The following MYO16 variants were observed in gnomAD, a reference collection of about 807,000 sequenced individuals.
MYO16 encodes the protein myosin XVI, also known as unconventional myosin-XVI.
Under a neutral mutation model 205.3 loss-of-function variants are expected in MYO16, and 94 were observed. The observed-to-expected ratio is 0.46, with a 90% CI of 0.39 to 0.54. The LOEUF (loss-of-function observed/expected upper bound fraction) is 0.54. MYO16 is among the 20% of genes least tolerant of loss of function. The pLI is 0.00. For missense variants in MYO16, 2,315 were observed against 2,387.5 expected (o/e 0.97, Z 0.63); for synonymous variants, 988 against 954.0 (o/e 1.04, Z -0.66).
chr13:108,888,800 A>G (rs546405842), intron 14 of MYO16, among the ~76,000 whole-genome samples: 4 of 152,250 alleles, frequency 2.6e-5, no homozygotes, highest in African/African-American at 9.6e-5. Context: ...CACGACTATA[A>G]TCCCAGCACT....
chr13:108,795,430 G>A (rs1594300012), intron 6 of MYO16, among the ~76,000 whole-genome samples: 2 of 152,120 alleles, frequency 1.3e-5, no homozygotes, highest in Middle Eastern at 3.4e-3. Flanking sequence ...GGCTGGTCTC[G>A]ATCTTCTGAC....
chr13:108,564,237 C>A, the MYO16 span, among the ~76,000 whole-genome samples: 2,868 of 146,964 alleles, frequency 0.02, 47 homozygotes, highest in Admixed American at 0.044. Flanking sequence ...GTGGCACCAT[C>A]TTGGCTCACC....
intron 2 of MYO16, among the ~76,000 whole-genome samples, chr13:108,706,738 A>G (rs767032585): frequency 1.1e-4 from 16 of 152,218 alleles, no homozygotes; most frequent in Non-Finnish European, 2.1e-4. Context: ...ATCTGGGTCA[A>G]CCTGGCCACG....
At chr13:108,838,678 A>AATATAT (rs1555304222) in intron 9 of MYO16, among the ~76,000 whole-genome samples, 2 of 124,782 alleles carry the variant, frequency 1.6e-5, no homozygotes, top group East Asian at 2.5e-4. Flanking sequence ...AAAAAAAAAA[A>AATATAT]ATATATATAT....
intron 4 of MYO16, among the ~76,000 whole-genome samples, chr13:108,752,175 A>G (rs115808584): frequency 0.034 from 5,137 of 152,204 alleles, 282 homozygotes; most frequent in African/African-American, 0.12. Context: ...TTTAAAATGT[A>G]TTTTTAAATG....
At chr13:108,752,966 T>C (rs1885289657) in intron 4 of MYO16, among the ~76,000 whole-genome samples, 1 of 151,840 alleles carries the variant, frequency 6.6e-6, no homozygotes, top group South Asian at 2.1e-4. Context: ...TATTAAGTTT[T>C]TGTATATCAG....
intron 2 of MYO16, among the ~76,000 whole-genome samples, chr13:108,686,170 C>A (rs1882668060): frequency 6.6e-6 from 1 of 152,152 alleles, no homozygotes; most frequent in Non-Finnish European, 1.5e-5. Flanking sequence ...GGATCCCACA[C>A]CTGGCAGGAG....
chr13:109,131,152 G>C (rs1017037632), intron 31 of MYO16, among the ~76,000 whole-genome samples: 1 of 152,180 alleles, frequency 6.6e-6, no homozygotes, highest in Non-Finnish European at 1.5e-5. Context: ...TACGGCTGAA[G>C]TTGGTTTTGT....
At chr13:108,889,308 G>A (rs568391329) in intron 14 of MYO16, among the ~76,000 whole-genome samples, 2 of 152,284 alleles carry the variant, frequency 1.3e-5, no homozygotes, top group East Asian at 3.9e-4. Context: ...TCTAAAATAT[G>A]ACCGTGATTC....
intron 20 of MYO16, among the ~76,000 whole-genome samples, chr13:108,981,674 A>C (rs553444035): frequency 3.9e-5 from 6 of 152,330 alleles, no homozygotes; most frequent in African/African-American, 1.4e-4. Context: ...GTCATCCTGA[A>C]CCTGCTAATG....
chr13:109,132,662 C>T lies in MYO16; in HGVS notation c.4051+5112C>T, dbSNP rs780050160. Among the ~76,000 whole-genome samples, 30 of 152,306 alleles carry T rather than the reference C, an allele frequency of 2.0e-4. No homozygotes were observed. In the Middle Eastern group the frequency reaches 0.01, roughly 52 times the overall value. On this transcript the variant is annotated intron_variant, in intron 31 of 34. Transcript: ENST00000457511. ...AATGTGTCAAGGCTAGATTTGTCTG[C>T]ATATTTTTAACAGAAGCCCTTTAAA...
chr13:109,087,558 ATC>A (rs1888472479), intron 27 of MYO16, among the ~76,000 whole-genome samples: 1 of 152,212 alleles, frequency 6.6e-6, no homozygotes, highest in African/African-American at 2.4e-5. Flanking sequence ...AGGCAGGAGA[ATC>A]ACCTGAACCC....
In MYO16 at chr13:108,961,520, CTGTT is replaced by C. The variant is rs1279657192; in HGVS notation, c.2038-15_2038-12del. On this transcript the variant is annotated splice_polypyrimidine_tract_variant and intron_variant, in intron 17 of 34. Transcript: ENST00000457511. ...CTTCTAAGCACCCTATTCATTCTCT[CTGTT>C]TGTAAAATGCATAGGAGGTGGAGAA... 3 of 1,586,182 alleles carry C rather than the reference CTGTT, an allele frequency of 1.9e-6. No individual in the cohort carries two copies. In the East Asian group the frequency reaches 6.7e-5, roughly 35 times the overall value.
chr13:108,888,977 G>A (rs1464080868), intron 14 of MYO16, among the ~76,000 whole-genome samples: 1 of 151,974 alleles, frequency 6.6e-6, no homozygotes, highest in African/African-American at 2.4e-5. Context: ...ATTGCTTGAA[G>A]CCGGGAGGCA....
the MYO16 span, among the ~76,000 whole-genome samples, chr13:108,559,619 A>C: frequency 3.0e-3 from 447 of 149,712 alleles, 6 homozygotes; most frequent in African/African-American, 0.01. Context: ...GACTACAGGC[A>C]CCCGCCACCA....
intron 3 of MYO16, among the ~76,000 whole-genome samples, chr13:108,724,683 G>A (rs1010107506): frequency 1.3e-5 from 2 of 151,946 alleles, no homozygotes; most frequent in African/African-American, 4.8e-5. Context: ...AGTATTTTTA[G>A]GATACATATT....
chr13:108,967,443 A>G (rs1883837852), intron 20 of MYO16, among the ~76,000 whole-genome samples: 1 of 152,182 alleles, frequency 6.6e-6, no homozygotes, highest in South Asian at 2.1e-4. Flanking sequence ...GATGCGATTA[A>G]TTAAAATGAG....
intron 27 of MYO16, among the ~76,000 whole-genome samples, chr13:109,059,933 A>G (rs1393266646): frequency 6.6e-6 from 1 of 152,158 alleles, no homozygotes; most frequent in Non-Finnish European, 1.5e-5. Context: ...AGTCAAAACC[A>G]CAATGAGATA....
At chr13:109,043,325 A>C (rs1176152448) in intron 23 of MYO16, among the ~76,000 whole-genome samples, 2 of 152,164 alleles carry the variant, frequency 1.3e-5, no homozygotes, top group Non-Finnish European at 2.9e-5. Context: ...ACTATCAAAA[A>C]ACAAGCCCAT....
Sources: gnomAD v4.1 joint callset for allele counts (sites outside exome capture counted in the v4.1 genomes callset) on GRCh38, gnomAD v4.1.1 for gene constraint, MANE v1.5 for transcripts, NCBI Gene and HGNC (gene_info 2026-07-23, HGNC 2026-07-21) for gene names.